Variants in MAD2L1 observed in about 807,000 individuals in gnomAD.
MAD2L1 encodes mitotic arrest deficient 2 like 1.
MAD2L1 carries 10 observed loss-of-function variants against 25.9 expected under a neutral mutation model. That is an observed-to-expected ratio of 0.39 (90% CI 0.24 to 0.66). The LOEUF (loss-of-function observed/expected upper bound fraction) is 0.66. Ranked by LOEUF, MAD2L1 falls within the 30% of genes least tolerant of loss-of-function variation. The probability of loss-of-function intolerance (pLI) is 0.49; values close to 1 mark genes in which losing one functional copy is unlikely to be tolerated. For missense variants in MAD2L1, 180 were observed against 246.4 expected (o/e 0.73, Z 1.80); for synonymous variants, 81 against 91.8 (o/e 0.88, Z 0.67).
chr4:120,060,816 A>G (rs984308305), intron 4 of MAD2L1, 58 bp downstream of exon 4: 7 of 1,044,722 alleles, frequency 6.7e-6, no homozygotes, highest in African/African-American at 1.6e-5. Context: ...TGATTACGGC[A>G]GTAGCTTAGT....
Position 120,059,911 on chromosome 4 carries a change from C to A in MAD2L1, c.*207G>T. ...CTCCTGGTTCCTTTTGAACAATGTG[C>A]AATAAATTCATGATGTTAACTCCAT... is the stretch of plus-strand genomic sequence containing the variant. On this transcript the variant is annotated 3_prime_UTR_variant, in exon 5 of 5. Transcript: ENST00000296509. 2.4e-6 allele frequency: 1 copy of A among 410,966 alleles called. No individual in the cohort carries two copies. Among genetic ancestry groups the A allele is most frequent in the Non-Finnish European group, 4.3e-6 (1 of 230,982 alleles). The allele number at this position is 410,966 out of a possible 1,614,324, so 25.5% of individuals were successfully genotyped here.
Position 120,065,779 on chromosome 4 carries a change from T to G in MAD2L1, c.113A>C (p.Tyr38Ser). Residue 38 changes from tyrosine to serine, a missense_variant, in exon 2 of 5, where the codon TAT becomes TCT. Physicochemically the swap from Tyr to Ser is moderately radical, Grantham distance 144. Coordinates refer to ENST00000296509, the MANE Select transcript of MAD2L1 (RefSeq NM_002358.4). ...INSILYQRGI[Y>S]PSETFTRVQK... The stretch of plus-strand genomic sequence containing the variant: ...CACTCGAGTAAAGGTTTCAGATGGA[T>G]ATATGCCACGCTGATATAAAATGCT... 3 of 1,613,994 alleles carry G rather than the reference T, an allele frequency of 1.9e-6. No individual in the cohort carries two copies. Among genetic ancestry groups the G allele is most frequent in the Non-Finnish European group, 2.5e-6 (3 of 1,179,964 alleles).
Position 120,060,987 on chromosome 4 carries a change from A to AAAAATCAAATCAATT in MAD2L1, c.342-25_342-11dup. 8 of 1,535,960 alleles carry AAAAATCAAATCAATT rather than the reference A, an allele frequency of 5.2e-6. No homozygotes were observed. Among genetic ancestry groups the AAAAATCAAATCAATT allele is most frequent in the Non-Finnish European group, 7.2e-6 (8 of 1,111,504 alleles). ...CTTTTCTCTGGGTGCACTGTCAAAA[A>AAAAATCAAATCAATT]AAAATCAAATCAATTAATTCATTTC... On this transcript the variant is annotated splice_polypyrimidine_tract_variant and intron_variant, in intron 3 of 4. Transcript: ENST00000296509.
chr4:120,057,721 A>C lies in MAD2L1; in HGVS notation c.*2397T>G, dbSNP rs1256947113. ...TCTTTCAGCTGTTGATTTAAACATC[A>C]TCCTCCTGAGGTAAGCCTCAAGGTC... On this transcript the variant is annotated 3_prime_UTR_variant, in exon 5 of 5. Coordinates refer to ENST00000296509, the MANE Select transcript of MAD2L1 (RefSeq NM_002358.4). The C allele has an allele frequency of 2.0e-5, 3 of 152,254 alleles. No individual in the cohort carries two copies. The highest frequency in any genetic ancestry group is 6.5e-5 in the Admixed American group (1 of 15,284). 9.4% of individuals were successfully genotyped at this position (152,254 alleles called of 1,614,324 possible). A position where few individuals can be genotyped will look rare whatever the true frequency, so the allele number is the denominator to read the frequency against.
intron 4 of MAD2L1, among the ~76,000 whole-genome samples, chr4:120,060,558 AT>A (rs1342728618): frequency 1.3e-5 from 2 of 152,146 alleles, no homozygotes; most frequent in African/African-American, 4.8e-5. Context: ...ATGCCAGCAT[AT>A]TGTTATAATT....
intron 1 of MAD2L1, 33 bp from the exon 2 acceptor site, chr4:120,065,851 T>C (rs1726306247): frequency 1.2e-6 from 2 of 1,608,638 alleles, no homozygotes; most frequent in Non-Finnish European, 8.5e-7. Flanking sequence ...AGAAAATTCA[T>C]TATCCCTGCA....
At chr4:120,061,880 T>A in intron 3 of MAD2L1, 95 bp downstream of exon 3, 1 of 935,940 alleles carries the variant, frequency 1.1e-6, no homozygotes. Flanking sequence ...ATATTTTATA[T>A]AAAACTAGTT....
At chr4:120,064,867 GAAAT>G (rs1726287908) in intron 2 of MAD2L1, among the ~76,000 whole-genome samples, 1 of 151,442 alleles carries the variant, frequency 6.6e-6, no homozygotes, top group Non-Finnish European at 1.5e-5. Flanking sequence ...AACAACAAAA[GAAAT>G]AATTTCTAAA....
In MAD2L1 at chr4:120,064,808, G is replaced by A. The variant is rs141912990; in HGVS notation, c.220+864C>T. 1.1e-4 allele frequency among the ~76,000 whole-genome samples: 16 copies of A among 152,054 alleles called. No individual in the cohort carries two copies. The East Asian group carries it at 3.1e-3, about 29-fold the overall frequency. On this transcript the variant is annotated intron_variant, in intron 2 of 4. Transcript: ENST00000296509. ...ATCATTGGAAGGGCATATTAAAAAT[G>A]GGTTAGTAAAAATGCAATAAAAACG...
At chr4:120,065,604 C>G in intron 2 of MAD2L1, 68 bp downstream of exon 2, 1 of 1,445,694 alleles carries the variant, frequency 6.9e-7, no homozygotes, top group Non-Finnish European at 9.6e-7. Flanking sequence ...ATGTGCAGAG[C>G]GGAAAAATGA....
chr4:120,061,896 C>T (rs1431766797), intron 3 of MAD2L1, 79 bp downstream of exon 3: 2 of 1,116,514 alleles, frequency 1.8e-6, no homozygotes, highest in Admixed American at 3.0e-5. Context: ...TAGTTCAATA[C>T]AATTAGAACT....
chr4:120,059,048 G>C lies in MAD2L1; in HGVS notation c.*1070C>G, dbSNP rs1363866257. The C allele has an allele frequency of 6.6e-6, 1 of 152,168 alleles. No individual in the cohort carries two copies. Among genetic ancestry groups the C allele is most frequent in the African/African-American group, 2.4e-5 (1 of 41,456 alleles). 9.4% of individuals were successfully genotyped at this position (152,168 alleles called of 1,614,324 possible). ...AAAACAGGTGAGAACTGGATAGAAA[G>C]CATGTACCAGATGAGGGTATTAATG... On this transcript the variant is annotated 3_prime_UTR_variant, in exon 5 of 5. Transcript: ENST00000296509.
Position 120,066,735 on chromosome 4 carries a change from G to A in MAD2L1, c.-1C>T. The A allele has an allele frequency of 2.5e-6, 4 of 1,595,302 alleles. No individual in the cohort carries two copies. Among genetic ancestry groups the A allele is most frequent in the Non-Finnish European group, 3.4e-6 (4 of 1,166,400 alleles). ...GCTCCCGGGAGAGCTGCAGCGCCAT[G>A]GCCAGGGACACAAACAAAAGCACGC... On this transcript the variant is annotated 5_prime_UTR_variant, in exon 1 of 5. Coordinates refer to ENST00000296509, the MANE Select transcript of MAD2L1 (RefSeq NM_002358.4).
chr4:120,066,307 C>T (rs1006307994), intron 1 of MAD2L1, among the ~76,000 whole-genome samples: 5 of 151,758 alleles, frequency 3.3e-5, no homozygotes, highest in African/African-American at 1.2e-4. Context: ...GCCCAATAAT[C>T]ACTTTGAGTG....
Position 120,057,503 on chromosome 4 carries a change from C to T in MAD2L1, c.*2615G>A, listed in dbSNP as rs1351321713. On this transcript the variant is annotated 3_prime_UTR_variant, in exon 5 of 5. Coordinates refer to ENST00000296509, the MANE Select transcript of MAD2L1 (RefSeq NM_002358.4). ...GGTTTGACTTCTCTGATTGATGACACTGGGAAAAGGATCCTGAAAGCCAGA... is the reference window on the plus strand; with the variant it reads ...GGTTTGACTTCTCTGATTGATGACATTGGGAAAAGGATCCTGAAAGCCAGA... 1 of 152,362 alleles carries T rather than the reference C, an allele frequency of 6.6e-6. No homozygotes were observed. The highest frequency in any genetic ancestry group is 1.9e-4 in the East Asian group (1 of 5,188). 9.4% of individuals were successfully genotyped at this position (152,362 alleles called of 1,614,324 possible).
rs1726154316 is a variant in MAD2L1, at chr4:120,058,773, T to A, written c.*1345A>T. The A allele has an allele frequency of 1.3e-5, 2 of 152,208 alleles. No individual in the cohort carries two copies. Among genetic ancestry groups the A allele is most frequent in the Admixed American group, 1.3e-4 (2 of 15,284 alleles). The allele number at this position is 152,208 out of a possible 1,614,324, so 9.4% of individuals were successfully genotyped here. A position where few individuals can be genotyped will look rare whatever the true frequency, so the allele number is the denominator to read the frequency against. ...TTATTCCATAAAGATATGAAGAGTC[T>A]ACAAATTTGTCACTGAGAACCCAGA... On this transcript the variant is annotated 3_prime_UTR_variant, in exon 5 of 5. Transcript: ENST00000296509.
chr4:120,065,933 A>G, intron 1 of MAD2L1, 115 bp from the exon 2 acceptor site: 1 of 990,828 alleles, frequency 1.0e-6, no homozygotes. Flanking sequence ...AAATGACTGA[A>G]CACACGTGTA....
chr4:120,063,651 A>G (rs757705818), intron 2 of MAD2L1, among the ~76,000 whole-genome samples: 2 of 152,216 alleles, frequency 1.3e-5, no homozygotes, highest in Non-Finnish European at 1.5e-5. Context: ...AGCAGAAAAT[A>G]TAAGAGAGAA....
intron 1 of MAD2L1, among the ~76,000 whole-genome samples, chr4:120,066,391 C>G (rs925002310): frequency 6.6e-6 from 1 of 152,120 alleles, no homozygotes; most frequent in East Asian, 1.9e-4. Flanking sequence ...GGGGCCCACC[C>G]CAGTCACACC....
Sources: allele counts gnomAD v4.1 joint callset (sites outside exome capture counted in the v4.1 genomes callset), GRCh38; gene constraint gnomAD v4.1.1; transcripts MANE v1.5; gene names NCBI Gene and HGNC (gene_info 2026-07-23, HGNC 2026-07-21).